Variants in SCAF11 observed in about 807,000 individuals in gnomAD.
The protein encoded by SCAF11 is protein SCAF11.
SCAF11 carries 47 observed loss-of-function variants against 140.5 expected under a neutral mutation model. The ratio of observed to expected loss-of-function variants is 0.33; its 90% CI spans 0.26 to 0.43. The LOEUF is 0.43. Ranked by LOEUF, SCAF11 falls within the 20% of genes least tolerant of loss-of-function variation. SCAF11 has a pLI of 1.00. For missense variants in SCAF11, 1,645 were observed against 1,705.1 expected (o/e 0.96, Z 0.62); for synonymous variants, 557 against 579.4 (o/e 0.96, Z 0.55).
upstream of SCAF11, among the ~76,000 whole-genome samples, chr12:45,991,524 T>C (rs138200009): frequency 1.4e-4 from 21 of 152,280 alleles, no homozygotes; most frequent in East Asian, 4.1e-3. Context: ...ATCGTTCCAC[T>C]GCACTCCAGC....
intron 6 of SCAF11, among the ~76,000 whole-genome samples, chr12:45,940,286 C>G (rs1192299366): frequency 6.6e-6 from 1 of 152,170 alleles, no homozygotes; most frequent in Non-Finnish European, 1.5e-5. Flanking sequence ...AGCAGACATT[C>G]TGCTATCAAA....
At chr12:45,982,306 T>C (rs1946366456) in intron 1 of SCAF11, among the ~76,000 whole-genome samples, 1 of 152,226 alleles carries the variant, frequency 6.6e-6, no homozygotes, top group Admixed American at 6.5e-5. Context: ...TATAAATTTT[T>C]TGAGTCATTA....
chr12:45,919,191 G>A lies in SCAF11; in HGVS notation c.*2857C>T, dbSNP rs1164854015. 11 of 152,148 alleles carry A rather than the reference G, an allele frequency of 7.2e-5. No homozygotes were observed. Among genetic ancestry groups the A allele is most frequent in the Admixed American group, 7.2e-4 (11 of 15,268 alleles). 9.4% of individuals were successfully genotyped at this position (152,148 alleles called of 1,614,324 possible). A position where few individuals can be genotyped will look rare whatever the true frequency, so the allele number is the denominator to read the frequency against. On this transcript the variant is annotated 3_prime_UTR_variant, in exon 15 of 15. Coordinates refer to ENST00000369367, the MANE Select transcript of SCAF11 (RefSeq NM_004719.3). ...ACACTACATACATATTTATTTAAGA[G>A]TATAATTTCAGTAGACAGCACTCCA...
intron 1 of SCAF11, among the ~76,000 whole-genome samples, chr12:45,969,789 C>A (rs370289169): frequency 1.3e-5 from 2 of 151,954 alleles, no homozygotes; most frequent in Admixed American, 6.6e-5. Flanking sequence ...CAGGCTGGAG[C>A]GTGGTGGCAC....
chr12:45,933,118 T>G lies in SCAF11; in HGVS notation c.734+13A>C. On this transcript the variant is annotated intron_variant, in intron 9 of 14. Transcript: ENST00000369367. ...GCATGTAAACACCTGAGTAAATAAT[T>G]TTTTATTTTTACCTTCCAATTCCAG... The G allele has an allele frequency of 6.3e-7, 1 of 1,576,162 alleles. No individual in the cohort carries two copies. Among genetic ancestry groups the G allele is most frequent in the Non-Finnish European group, 8.7e-7 (1 of 1,150,596 alleles).
chr12:45,958,815 C>T (rs1945759809), intron 3 of SCAF11, among the ~76,000 whole-genome samples: 1 of 152,182 alleles, frequency 6.6e-6, no homozygotes, highest in African/African-American at 2.4e-5. Context: ...AAAGTCCTTA[C>T]ATAGCTTTTG....
intron 2 of SCAF11, among the ~76,000 whole-genome samples, chr12:45,962,762 G>A (rs1280519290): frequency 6.6e-6 from 1 of 152,188 alleles, no homozygotes; most frequent in African/African-American, 2.4e-5. Context: ...ATAGACTCCA[G>A]TATCAAGCCA....
chr12:45,967,597 T>C (rs765189398), intron 1 of SCAF11, among the ~76,000 whole-genome samples: 1 of 151,894 alleles, frequency 6.6e-6, no homozygotes, highest in Admixed American at 6.5e-5. Flanking sequence ...TGAATCGAGA[T>C]TGCGCCACTG....
At chr12:45,943,853 G>A (rs1209505090) in intron 6 of SCAF11, among the ~76,000 whole-genome samples, 1 of 152,040 alleles carries the variant, frequency 6.6e-6, no homozygotes, top group Non-Finnish European at 1.5e-5. Flanking sequence ...GGCAGAAATT[G>A]TTTTTTTCCT....
At chr12:45,991,946 G>A, upstream of SCAF11, 2 of 1,289,062 alleles carry the variant, frequency 1.6e-6, no homozygotes, top group Non-Finnish European at 2.0e-6. Context: ...CCCCCGTTCT[G>A]TTCGCGCGTG....
At chr12:45,975,095 A>C (rs1325869650) in intron 1 of SCAF11, 3 of 152,236 alleles carry the variant, frequency 2.0e-5, no homozygotes, top group Admixed American at 2.0e-4. Flanking sequence ...TTTGGTCTCA[A>C]CAGTGAGCTC....
Position 45,927,518 on chromosome 12 carries a change from T to C in SCAF11, c.2183A>G (p.Gln728Arg). 6.2e-7 allele frequency: 1 copy of C among 1,613,844 alleles called. No individual in the cohort carries two copies. Among genetic ancestry groups the C allele is most frequent in the Non-Finnish European group, 8.5e-7 (1 of 1,180,006 alleles). The change falls in exon 11 of 15, where the codon CAA (glutamine) becomes CGA (arginine). Residue 728 changes from glutamine (Q) to arginine (R), a missense_variant. By Grantham distance (43) the Gln-to-Arg change is conservative. Coordinates refer to ENST00000369367, the MANE Select transcript of SCAF11 (RefSeq NM_004719.3). ...PMECDSFCSD[Q>R]NESEVEPSVN... is the part of the protein sequence containing the mutation. ...AGATGGTTCAACTTCAGATTCATTT[T>C]GGTCACTGCAAAATGAATCACACTC...
chr12:45,984,649 C>T (rs1946421396), intron 1 of SCAF11, among the ~76,000 whole-genome samples: 1 of 150,648 alleles, frequency 6.6e-6, no homozygotes, highest in African/African-American at 2.4e-5. Context: ...TAGTGAAAGC[C>T]TTTCAAGATA....
chr12:45,961,664 C>T (rs370749326), intron 3 of SCAF11, 36 bp downstream of exon 3: 80 of 1,524,180 alleles, frequency 5.2e-5, no homozygotes, highest in Non-Finnish European at 7.0e-5. Flanking sequence ...TGAAATCATG[C>T]TAGGAAATTA....
intron 6 of SCAF11, chr12:45,945,002 G>C: frequency 2.2e-6 from 1 of 460,212 alleles, no homozygotes; most frequent in Non-Finnish European, 3.8e-6. Flanking sequence ...AAGAAATTGT[G>C]AAACACTCTT....
At chr12:45,939,848 T>C (rs886387275) in intron 6 of SCAF11, among the ~76,000 whole-genome samples, 3 of 152,228 alleles carry the variant, frequency 2.0e-5, no homozygotes. Context: ...GAAATTTAAA[T>C]TATCCTTAGG....
At chr12:45,953,922 C>G in intron 3 of SCAF11, 1 of 906,132 alleles carries the variant, frequency 1.1e-6, no homozygotes, top group Non-Finnish European at 1.4e-6. Flanking sequence ...GTTTTAGTAA[C>G]AAAAAAACTT....
At chr12:45,978,302 A>G (rs1376634039) in intron 1 of SCAF11, among the ~76,000 whole-genome samples, 1 of 152,182 alleles carries the variant, frequency 6.6e-6, no homozygotes, top group African/African-American at 2.4e-5. Context: ...TTTATCCTCA[A>G]GATTCTCATC....
At chr12:45,937,212 C>A (rs1428560940) in intron 6 of SCAF11, among the ~76,000 whole-genome samples, 1 of 151,974 alleles carries the variant, frequency 6.6e-6, no homozygotes, top group East Asian at 1.9e-4. Context: ...AAATGAATAT[C>A]CTATCATCTC....
Sources: gnomAD v4.1 joint callset for allele counts (sites outside exome capture counted in the v4.1 genomes callset) on GRCh38, gnomAD v4.1.1 for gene constraint, MANE v1.5 for transcripts, NCBI Gene and HGNC (gene_info 2026-07-23, HGNC 2026-07-21) for gene names.